Variants in EFCAB5 observed in about 807,000 individuals in gnomAD.
EFCAB5 encodes EF-hand calcium binding domain 5, also known as EF-hand calcium-binding domain-containing protein 5.
A neutral mutation model predicts 167.9 loss-of-function variants in EFCAB5; 131 were observed. The observed-to-expected ratio is 0.78, with a 90% CI of 0.68 to 0.90. EFCAB5 has a LOEUF of 0.90. EFCAB5 is among the 40% of genes least tolerant of loss of function. The probability of loss-of-function intolerance (pLI) is 0.00; values close to 1 mark genes in which losing one functional copy is unlikely to be tolerated. For missense variants in EFCAB5, 1,663 were observed against 1,745.2 expected (o/e 0.95, Z 0.84); for synonymous variants, 574 against 602.8 (o/e 0.95, Z 0.70).
chr17:30,000,002 G>T, intron 7 of EFCAB5, 26 bp downstream of exon 7: 2 of 1,491,836 alleles, frequency 1.3e-6, no homozygotes, highest in South Asian at 2.5e-5. Flanking sequence ...TTTAATGTTT[G>T]AATTGAATTA....
intron 7 of EFCAB5, among the ~76,000 whole-genome samples, chr17:30,000,309 CATACATG>C (rs1241586893): frequency 6.6e-6 from 1 of 152,130 alleles, no homozygotes; most frequent in African/African-American, 2.4e-5. Flanking sequence ...GGCCAGGTAT[CATACATG>C]AACTTGGTTA....
intron 14 of EFCAB5, among the ~76,000 whole-genome samples, chr17:30,061,231 C>T (rs753622652): frequency 7.9e-5 from 12 of 152,120 alleles, no homozygotes; most frequent in Non-Finnish European, 1.6e-4. Flanking sequence ...TTATACAAAA[C>T]GACTCTCAAT....
intron 1 of EFCAB5, among the ~76,000 whole-genome samples, chr17:29,932,617 G>A (rs947525895): frequency 6.6e-6 from 1 of 151,588 alleles, no homozygotes; most frequent in African/African-American, 2.4e-5. Context: ...CACCACGCCC[G>A]GCTAATTTTA....
chr17:29,976,220 T>C (rs896423148), intron 4 of EFCAB5, among the ~76,000 whole-genome samples: 3 of 152,126 alleles, frequency 2.0e-5, no homozygotes, highest in East Asian at 1.9e-4. Flanking sequence ...TATAATAAGA[T>C]AGTAATAAGC....
At chr17:30,002,159 A>G (rs2068676624) in intron 7 of EFCAB5, among the ~76,000 whole-genome samples, 1 of 152,162 alleles carries the variant, frequency 6.6e-6, no homozygotes, top group Non-Finnish European at 1.5e-5. Context: ...TATGTCAATA[A>G]ATATTCTTTA....
intron 4 of EFCAB5, among the ~76,000 whole-genome samples, chr17:29,978,484 A>G (rs2068105126): frequency 1.3e-5 from 2 of 152,320 alleles, no homozygotes; most frequent in South Asian, 2.1e-4. Context: ...ATTATTAAAT[A>G]CTTAAGAAAT....
chr17:29,959,818 C>A (rs1278566751), intron 3 of EFCAB5, among the ~76,000 whole-genome samples: 1 of 152,096 alleles, frequency 6.6e-6, no homozygotes, highest in Non-Finnish European at 1.5e-5. Flanking sequence ...CACAACCACT[C>A]CCTTGGCTGC....
intron 4 of EFCAB5, among the ~76,000 whole-genome samples, chr17:29,971,340 T>C (rs2067951603): frequency 2.6e-5 from 4 of 152,270 alleles, no homozygotes; most frequent in Middle Eastern, 3.4e-3. Context: ...TAATAGTAGT[T>C]TCCCTTCTTC....
intron 7 of EFCAB5, among the ~76,000 whole-genome samples, chr17:30,000,920 C>G (rs1038416183): frequency 5.3e-5 from 8 of 152,196 alleles, no homozygotes; most frequent in Non-Finnish European, 2.9e-5. Context: ...TTCTCACACA[C>G]TGAGCTAATA....
upstream of EFCAB5, among the ~76,000 whole-genome samples, chr17:29,938,923 C>G (rs1375339406): frequency 6.6e-6 from 1 of 152,170 alleles, no homozygotes; most frequent in Non-Finnish European, 1.5e-5. Context: ...TGACTTCCTT[C>G]CATGAATCAC....
chr17:30,050,192 T>C (rs2070049089), intron 8 of EFCAB5, among the ~76,000 whole-genome samples: 1 of 151,906 alleles, frequency 6.6e-6, no homozygotes, highest in Non-Finnish European at 1.5e-5. Flanking sequence ...TGGAGTGCAA[T>C]GGCATGATCT....
rs73987688 is a variant in EFCAB5 at position 30,104,770 on chromosome 17, A to G, written c.4322-3064A>G. ...GTTAGAGCCGGTCGTTAACGCATCAACCTCTGGAAAGGACAGGGAAACAGG... is the reference window on the plus strand; with the variant it reads ...GTTAGAGCCGGTCGTTAACGCATCAGCCTCTGGAAAGGACAGGGAAACAGG... On this transcript the variant is annotated intron_variant, in intron 22 of 22. Coordinates refer to ENST00000394835, the MANE Select transcript of EFCAB5 (RefSeq NM_198529.4). Among the ~76,000 whole-genome samples the G allele has an allele frequency of 1.4e-3, 208 of 152,102 alleles. 2 individuals carry two copies. The highest frequency in any genetic ancestry group is 4.9e-3 in the African/African-American group (202 of 41,484).
At chr17:30,081,009 T>TG in intron 17 of EFCAB5, 28 bp downstream of exon 17, 1 of 1,556,712 alleles carries the variant, frequency 6.4e-7, no homozygotes, top group Non-Finnish European at 8.8e-7. Flanking sequence ...TCAAGAGCGA[T>TG]GGTAGGATGG....
chr17:30,027,242 C>T (rs1344026456), intron 7 of EFCAB5, among the ~76,000 whole-genome samples: 1 of 150,150 alleles, frequency 6.7e-6, no homozygotes, highest in East Asian at 2.0e-4. Context: ...ACCTCGGACT[C>T]CCAAAGTGCT....
intron 3 of EFCAB5, among the ~76,000 whole-genome samples, chr17:29,953,783 G>T (rs569350901): frequency 1.3e-5 from 2 of 152,252 alleles, no homozygotes; most frequent in African/African-American, 4.8e-5. Flanking sequence ...GGAACAGTTT[G>T]TAGAGCTCAG....
chr17:30,044,162 G>T (rs779643850), intron 8 of EFCAB5, among the ~76,000 whole-genome samples: 6 of 151,864 alleles, frequency 4.0e-5, no homozygotes, highest in South Asian at 2.1e-4. Flanking sequence ...ATCGAAATAG[G>T]TTCAATTATT....
chr17:30,078,198 G>C lies in EFCAB5; in HGVS notation c.2738-17G>C, dbSNP rs202224658. ...GAACTTTTGGTTAGTTCTTGGTTTCGTGTTTGTGTCTTTTAGCTAAACTAC... is the reference window on the plus strand; with the variant it reads ...GAACTTTTGGTTAGTTCTTGGTTTCCTGTTTGTGTCTTTTAGCTAAACTAC... On this transcript the variant is annotated splice_polypyrimidine_tract_variant and intron_variant, in intron 14 of 22. Transcript: ENST00000394835. 3 of 1,594,832 alleles carry C rather than the reference G, an allele frequency of 1.9e-6. No individual in the cohort carries two copies. Among genetic ancestry groups the C allele is most frequent in the African/African-American group, 1.3e-5 (1 of 74,520 alleles).
At chr17:29,952,944 A>G (rs1567674798) in intron 3 of EFCAB5, among the ~76,000 whole-genome samples, 1 of 152,186 alleles carries the variant, frequency 6.6e-6, no homozygotes, top group Non-Finnish European at 1.5e-5. Context: ...TGCTATTATT[A>G]TATGATATTA....
intron 1 of EFCAB5, among the ~76,000 whole-genome samples, chr17:29,935,341 A>G (rs969180193): frequency 9.2e-5 from 14 of 152,236 alleles, no homozygotes; most frequent in African/African-American, 2.6e-4. Context: ...GGAGGATTGC[A>G]TAAGGCTAGG....
Sources: gnomAD v4.1 joint callset for allele counts (sites outside exome capture counted in the v4.1 genomes callset) on GRCh38, gnomAD v4.1.1 for gene constraint, MANE v1.5 for transcripts, NCBI Gene and HGNC (gene_info 2026-07-23, HGNC 2026-07-21) for gene names.